The following PTPRR variants were observed in gnomAD, a reference collection of about 807,000 sequenced individuals.
PTPRR encodes receptor-type tyrosine-protein phosphatase R.
A neutral mutation model predicts 77.2 loss-of-function variants in PTPRR; 38 were observed. The observed-to-expected ratio is 0.49, with a 90% CI of 0.38 to 0.65. PTPRR has a LOEUF of 0.65. PTPRR is among the 30% of genes least tolerant of loss of function. PTPRR has a pLI of 0.00. For synonymous variants in PTPRR, 299 were observed against 283.1 expected, an observed-to-expected ratio of 1.06 and a Z score of -0.57; for missense variants, 744 against 799.2, an observed-to-expected ratio of 0.93 and a Z score of 0.83.
At chr12:70,792,073 C>G (rs1051884721) in intron 2 of PTPRR, among the ~76,000 whole-genome samples, 5 of 152,166 alleles carry the variant, frequency 3.3e-5, no homozygotes, top group African/African-American at 1.2e-4. Flanking sequence ...GGGTCTGAAG[C>G]ATAACTCTTC....
intron 13 of PTPRR, chr12:70,639,482 G>GTATATAAAGGGC: frequency 7.4e-7 from 1 of 1,354,858 alleles, no homozygotes; most frequent in Non-Finnish European, 9.5e-7. Context: ...GCTTAACACA[G>GTATATAAAGGGC]TTCCCAGCAC....
intron 2 of PTPRR, among the ~76,000 whole-genome samples, chr12:70,767,460 G>C (rs996472530): frequency 6.6e-6 from 1 of 151,576 alleles, no homozygotes; most frequent in South Asian, 2.1e-4. Flanking sequence ...AACAAGAAGA[G>C]CTAACTATCC....
intron 2 of PTPRR, among the ~76,000 whole-genome samples, chr12:70,861,066 G>A (rs959862848): frequency 6.6e-6 from 1 of 152,122 alleles, no homozygotes; most frequent in African/African-American, 2.4e-5. Flanking sequence ...ATTTAATGTA[G>A]TGCTTAGAAC....
At chr12:70,837,426 C>T (rs1892323351) in intron 2 of PTPRR, among the ~76,000 whole-genome samples, 1 of 152,092 alleles carries the variant, frequency 6.6e-6, no homozygotes, top group Non-Finnish European at 1.5e-5. Context: ...TAATAACAAA[C>T]AAACAATTTC....
chr12:70,882,950 G>A (rs1893173977), intron 2 of PTPRR, among the ~76,000 whole-genome samples: 1 of 152,144 alleles, frequency 6.6e-6, no homozygotes, highest in South Asian at 2.1e-4. Flanking sequence ...ACACCTCTAT[G>A]AAGTTGGTAA....
intron 2 of PTPRR, among the ~76,000 whole-genome samples, chr12:70,815,543 T>C (rs1000981069): frequency 6.6e-6 from 1 of 152,148 alleles, no homozygotes; most frequent in Non-Finnish European, 1.5e-5. Flanking sequence ...AGTCAGACTG[T>C]CATAATTGAG....
At chr12:70,655,790 A>G (rs1424155864) in intron 13 of PTPRR, among the ~76,000 whole-genome samples, 1 of 152,246 alleles carries the variant, frequency 6.6e-6, no homozygotes, top group Non-Finnish European at 1.5e-5. Context: ...CAACATGAAC[A>G]GAATTCCAGA....
chr12:70,657,610 A>G (rs1426780167), intron 12 of PTPRR, among the ~76,000 whole-genome samples: 4 of 152,178 alleles, frequency 2.6e-5, no homozygotes, highest in African/African-American at 4.8e-5. Flanking sequence ...TAAACTCTAG[A>G]TTGTCATTCC....
intron 2 of PTPRR, among the ~76,000 whole-genome samples, chr12:70,878,990 C>T (rs918671666): frequency 6.6e-6 from 1 of 151,970 alleles, no homozygotes; most frequent in African/African-American, 2.4e-5. Flanking sequence ...TTCTCAGCAA[C>T]CTATTGAAAG....
intron 6 of PTPRR, among the ~76,000 whole-genome samples, chr12:70,736,424 A>C (rs1823820559): frequency 6.6e-6 from 1 of 152,124 alleles, no homozygotes; most frequent in South Asian, 2.1e-4. Context: ...ATAGGTGTGT[A>C]CGCCTCCTCC....
chr12:70,691,025 A>T (rs966533289), intron 8 of PTPRR, among the ~76,000 whole-genome samples: 1 of 152,120 alleles, frequency 6.6e-6, no homozygotes, highest in Non-Finnish European at 1.5e-5. Context: ...CTATTTTTTA[A>T]AAAAAGGTCA....
chr12:70,641,717 A>G (rs1886008993), intron 13 of PTPRR, among the ~76,000 whole-genome samples: 1 of 152,222 alleles, frequency 6.6e-6, no homozygotes, highest in Admixed American at 6.5e-5. Flanking sequence ...CTGACAATAT[A>G]GCTTTTTTAG....
intron 2 of PTPRR, among the ~76,000 whole-genome samples, chr12:70,885,743 AG>A (rs1893229340): frequency 6.6e-6 from 1 of 151,888 alleles, no homozygotes; most frequent in Non-Finnish European, 1.5e-5. Flanking sequence ...ACCGTTAGCC[AG>A]GATGATCTCG....
chr12:70,643,402 T>C (rs530906477), intron 13 of PTPRR, among the ~76,000 whole-genome samples: 84 of 152,166 alleles, frequency 5.5e-4, no homozygotes, highest in African/African-American at 1.8e-3. Context: ...CTTGAACTCC[T>C]AGGCTCAGGC....
At chr12:70,693,122 G>T (rs1888110487) in intron 8 of PTPRR, among the ~76,000 whole-genome samples, 1 of 152,102 alleles carries the variant, frequency 6.6e-6, no homozygotes, top group Non-Finnish European at 1.5e-5. Flanking sequence ...CACCATTCAG[G>T]CTTGAAAAGA....
chr12:70,853,081 GT>G (rs745996463), intron 2 of PTPRR, among the ~76,000 whole-genome samples: 35 of 152,308 alleles, frequency 2.3e-4, no homozygotes, highest in Non-Finnish European at 4.1e-4. Flanking sequence ...TGAGGCAAGT[GT>G]TAGGACTTTT....
At chr12:70,690,910 C>CT (rs1888033038) in intron 8 of PTPRR, among the ~76,000 whole-genome samples, 1 of 152,078 alleles carries the variant, frequency 6.6e-6, no homozygotes, top group African/African-American at 2.4e-5. Flanking sequence ...ACACTCTGAG[C>CT]TTTTTGAAGG....
chr12:70,889,909 T>C (rs199755210), intron 2 of PTPRR, among the ~76,000 whole-genome samples: 1 of 152,176 alleles, frequency 6.6e-6, no homozygotes, highest in South Asian at 2.1e-4. Flanking sequence ...CCACCCCTTA[T>C]ATTCCCAAGC....
At chr12:70,811,720 A>C (rs976419341) in intron 2 of PTPRR, among the ~76,000 whole-genome samples, 2 of 152,230 alleles carry the variant, frequency 1.3e-5, no homozygotes, top group Admixed American at 6.5e-5. Flanking sequence ...CCACACCCTG[A>C]TGCAGTAAGA....
Sources: gnomAD v4.1 joint callset for allele counts (sites outside exome capture counted in the v4.1 genomes callset) on GRCh38, gnomAD v4.1.1 for gene constraint, MANE v1.5 for transcripts, NCBI Gene and HGNC (gene_info 2026-07-23, HGNC 2026-07-21) for gene names.